The following NOL4 variants were observed in gnomAD, a reference collection of about 807,000 sequenced individuals.
NOL4 encodes the protein cancer/testis antigen 125.
In NOL4, 17 loss-of-function variants were observed where a neutral mutation model predicts 75.9. The observed-to-expected ratio is 0.22, with a 90% CI of 0.15 to 0.34. NOL4 has a LOEUF of 0.34. Among genes scored for constraint, NOL4 ranks in the 10% least tolerant of loss-of-function variants. NOL4 has a pLI of 1.00. For synonymous variants in NOL4, 292 were observed against 289.9 expected, an observed-to-expected ratio of 1.01 and a Z score of -0.07; for missense variants, 614 against 793.5, an observed-to-expected ratio of 0.77 and a Z score of 2.72.
chr18:34,151,310 A>C (rs560907786), intron 1 of NOL4, among the ~76,000 whole-genome samples: 1 of 151,998 alleles, frequency 6.6e-6, no homozygotes, highest in East Asian at 1.9e-4. Context: ...GGAAGCAAAC[A>C]AGATGTCCTT....
chr18:34,202,401 T>C (rs1167431266), intron 1 of NOL4, among the ~76,000 whole-genome samples: 1 of 151,958 alleles, frequency 6.6e-6, no homozygotes, highest in East Asian at 1.9e-4. Flanking sequence ...AATCTTAGAG[T>C]TAAAAACTGA....
intron 4 of NOL4, among the ~76,000 whole-genome samples, chr18:34,095,038 C>A (rs2078706553): frequency 6.6e-6 from 1 of 152,044 alleles, no homozygotes; most frequent in Admixed American, 6.6e-5. Context: ...CATTCTGATT[C>A]TTATATCAGG....
chr18:34,055,779 T>C (rs999975908), intron 5 of NOL4, among the ~76,000 whole-genome samples: 2 of 152,142 alleles, frequency 1.3e-5, no homozygotes, highest in Non-Finnish European at 2.9e-5. Flanking sequence ...ATAAGTCCCT[T>C]AAGTTTTGTT....
At chr18:34,041,310 T>C (rs543058292) in intron 5 of NOL4, among the ~76,000 whole-genome samples, 3 of 151,828 alleles carry the variant, frequency 2.0e-5, no homozygotes, top group East Asian at 3.9e-4. Context: ...CCTTGAGCAA[T>C]TGTAACAAAA....
intron 1 of NOL4, among the ~76,000 whole-genome samples, chr18:34,162,235 A>G (rs1276680379): frequency 6.6e-6 from 1 of 152,184 alleles, no homozygotes; most frequent in Non-Finnish European, 1.5e-5. Flanking sequence ...AATAACTAAA[A>G]TCAGAGCAGA....
intron 6 of NOL4, among the ~76,000 whole-genome samples, chr18:33,976,945 C>T (rs1366922773): frequency 6.6e-6 from 1 of 152,060 alleles, no homozygotes; most frequent in East Asian, 1.9e-4. Flanking sequence ...TGGAATTGCC[C>T]AGCCTGGCAT....
chr18:34,095,716 A>G (rs12965577), intron 4 of NOL4, among the ~76,000 whole-genome samples: 44,383 of 151,988 alleles, frequency 0.29, 7,704 homozygotes, highest in East Asian at 0.44. Context: ...AATATACAAT[A>G]CATTCTACAG....
chr18:34,038,063 C>T (rs1306823421), intron 5 of NOL4, among the ~76,000 whole-genome samples: 1 of 151,818 alleles, frequency 6.6e-6, no homozygotes, highest in Non-Finnish European at 1.5e-5. Flanking sequence ...CAAATAATGT[C>T]TTAAAAATTC....
At chr18:33,970,973 T>A (rs1015098026) in intron 6 of NOL4, among the ~76,000 whole-genome samples, 1 of 152,134 alleles carries the variant, frequency 6.6e-6, no homozygotes, top group Admixed American at 6.6e-5. Flanking sequence ...GGGATTCCAA[T>A]AAAAGAAGGA....
intron 1 of NOL4, among the ~76,000 whole-genome samples, chr18:34,174,585 T>C (rs551913867): frequency 6.6e-6 from 1 of 152,136 alleles, no homozygotes; most frequent in South Asian, 2.1e-4. Context: ...TGCAGTTTTA[T>C]ATTACATAGA....
At chr18:34,196,051 A>G (rs2035306897) in intron 1 of NOL4, among the ~76,000 whole-genome samples, 1 of 151,854 alleles carries the variant, frequency 6.6e-6, no homozygotes, top group African/African-American at 2.4e-5. Context: ...TTTCTGACCA[A>G]AAAAAAAGAT....
At chr18:33,885,609 A>C (rs72955219) in intron 9 of NOL4, among the ~76,000 whole-genome samples, 1 of 152,188 alleles carries the variant, frequency 6.6e-6, no homozygotes, top group Non-Finnish European at 1.5e-5. Flanking sequence ...ATAAATCAAA[A>C]CTACAGTGAG....
intron 5 of NOL4, among the ~76,000 whole-genome samples, chr18:34,073,737 A>T (rs1016901002): frequency 6.6e-6 from 1 of 152,112 alleles, no homozygotes. Flanking sequence ...GTATATATTA[A>T]GTAGTGAAGC....
At chr18:34,029,595 A>G (rs573055832) in intron 5 of NOL4, among the ~76,000 whole-genome samples, 1 of 152,174 alleles carries the variant, frequency 6.6e-6, no homozygotes, top group African/African-American at 2.4e-5. Context: ...TCTCTCCACC[A>G]TGTACCTTTC....
intron 5 of NOL4, among the ~76,000 whole-genome samples, chr18:34,083,913 C>T (rs2078124730): frequency 6.6e-6 from 1 of 152,158 alleles, no homozygotes; most frequent in African/African-American, 2.4e-5. Context: ...CAGTCAGGCC[C>T]TTCTTCCTTA....
At chr18:33,996,498 T>G (rs1322467357) in intron 6 of NOL4, among the ~76,000 whole-genome samples, 1 of 151,756 alleles carries the variant, frequency 6.6e-6, no homozygotes, top group African/African-American at 2.4e-5. Flanking sequence ...GATGCTAAGG[T>G]TTGAAGTATG....
intron 6 of NOL4, among the ~76,000 whole-genome samples, chr18:33,971,530 T>A (rs1041604274): frequency 1.6e-4 from 24 of 152,116 alleles, no homozygotes; most frequent in Admixed American, 2.6e-4. Flanking sequence ...TGTAGAGGGG[T>A]CATATTTTCA....
chr18:34,059,227 ACT>A (rs1030393085), intron 5 of NOL4, among the ~76,000 whole-genome samples: 6 of 149,436 alleles, frequency 4.0e-5, no homozygotes, highest in African/African-American at 1.5e-4. Context: ...CTGTGAGAGT[ACT>A]GTCTTCATTT....
rs1480070403 is a variant in NOL4 at position 34,224,090 on chromosome 18, A to G, written c.-837T>C. The G allele has an allele frequency of 6.6e-6, 1 of 152,352 alleles. No homozygotes were observed. Among genetic ancestry groups the G allele is most frequent in the Middle Eastern group, 3.4e-3 (1 of 294 alleles). The allele number at this position is 152,352 out of a possible 1,614,324, so 9.4% of individuals were successfully genotyped here. A position where few individuals can be genotyped will look rare whatever the true frequency, so the allele number is the denominator to read the frequency against. On this transcript the variant is annotated 5_prime_UTR_variant, in exon 1 of 11. Coordinates refer to ENST00000261592, the MANE Select transcript of NOL4 (RefSeq NM_003787.5). The stretch of plus-strand genomic sequence containing the variant: ...TTGATGGAGATTTGGCCATAGTTCT[A>G]CAGGATAGATTGTAGTGCCCCAAAC...
Sources: gnomAD v4.1 joint callset for allele counts (sites outside exome capture counted in the v4.1 genomes callset) on GRCh38, gnomAD v4.1.1 for gene constraint, MANE v1.5 for transcripts, NCBI Gene and HGNC (gene_info 2026-07-23, HGNC 2026-07-21) for gene names.